Variants in PCDHA3 observed in about 807,000 individuals in gnomAD.
PCDHA3 encodes the protein protocadherin alpha-3.
In PCDHA3, 41 loss-of-function variants were observed where a neutral mutation model predicts 62.2. The observed-to-expected ratio is 0.66, with a 90% confidence interval of 0.51 to 0.86. The LOEUF is 0.86. Among genes scored for constraint, PCDHA3 ranks in the 40% least tolerant of loss-of-function variants. PCDHA3 has a pLI of 0.00. For synonymous variants in PCDHA3, 640 were observed against 555.4 expected (o/e 1.15, Z -2.14); for missense variants, 1,304 against 1,241.2 (o/e 1.05, Z -0.76).
At chr5:140,924,104 C>A (rs538996937) in intron 1 of PCDHA3, among the ~76,000 whole-genome samples, 20 of 152,306 alleles carry the variant, frequency 1.3e-4, no homozygotes, top group Middle Eastern at 6.8e-3. Context: ...AATTTTCATT[C>A]CAAAGCAGTT....
intron 1 of PCDHA3, among the ~76,000 whole-genome samples, chr5:140,950,537 C>T (rs1439965496): frequency 1.3e-5 from 2 of 152,002 alleles, no homozygotes; most frequent in Non-Finnish European, 1.5e-5. Flanking sequence ...TTTTGTTGCT[C>T]TTGCATGGCT....
intron 1 of PCDHA3, chr5:140,882,682 A>G (rs782727780): frequency 9.3e-6 from 15 of 1,614,080 alleles, no homozygotes; most frequent in Admixed American, 3.3e-5. Context: ...AAAGCAAGAA[A>G]CGAATAATCA....
chr5:140,857,186 G>A lies in PCDHA3; in HGVS notation c.2394+53595G>A, dbSNP rs782390373. On this transcript the variant is annotated intron_variant, in intron 1 of 3. Coordinates refer to ENST00000522353, the MANE Select transcript of PCDHA3 (RefSeq NM_018906.3). ...CAGCGTTTCTGACCATGATTCAGGA[G>A]CCAACGGACAGGTCACCTGCTCTCT... 5.0e-6 allele frequency: 8 copies of A among 1,598,548 alleles called. No individual in the cohort carries two copies. In the East Asian group the frequency reaches 1.8e-4, roughly 36 times the overall value.
rs141559668 is a variant in PCDHA3, at chr5:140,830,266, G to A, written c.2394+26675G>A. On this transcript the variant is annotated intron_variant, in intron 1 of 3. Transcript: ENST00000522353. ...TGTACACAGCGCTGCGGTGCTCGGC[G>A]CCACCCACCGAGGGCGCGTGCACGG... 1.1e-4 allele frequency: 170 copies of A among 1,613,648 alleles called. No homozygotes were observed. The Middle Eastern group carries it at 1.5e-3, about 14-fold the overall frequency.
At chr5:140,856,949 ATAAAAG>A in intron 1 of PCDHA3, 1 of 1,592,772 alleles carries the variant, frequency 6.3e-7, no homozygotes, top group Non-Finnish European at 8.6e-7. Context: ...GACGGGAGAA[ATAAAAG>A]TAAATGATGC....
In PCDHA3 at chr5:140,836,337, A is replaced by C. The variant is rs143048298; in HGVS notation, c.2394+32746A>C. 5 of 1,613,530 alleles carry C rather than the reference A, an allele frequency of 3.1e-6. No individual in the cohort carries two copies. The African/African-American group carries it at 6.7e-5, about 22-fold the overall frequency. ...GCGCCACCGCCTTCTGGTGCTTGTG[A>C]AGGACCACGGGGAGCCCTCGCTGAC... On this transcript the variant is annotated intron_variant, in intron 1 of 3. Transcript: ENST00000522353.
Position 141,000,393 on chromosome 5 carries a change from CTCTATA to C in PCDHA3, c.2543-9232_2543-9227del, listed in dbSNP as rs1213195269. 6.1e-3 allele frequency among the ~76,000 whole-genome samples: 322 copies of C among 52,630 alleles called. 2 individuals are homozygous for C. Among genetic ancestry groups the C allele is most frequent in the Admixed American group, 0.01 (36 of 3,506 alleles). 34.5% of individuals were successfully genotyped at this position (52,630 alleles called of 152,430 possible). A position where few individuals can be genotyped will look rare whatever the true frequency, so the allele number is the denominator to read the frequency against. ...TCTCTCTCTCTCTCTCTCTCTCTCT[CTCTATA>C]TATATATATATATATATATATATTT... On this transcript the variant is annotated intron_variant, in intron 3 of 3. Transcript: ENST00000522353.
At chr5:140,809,089 G>T (rs782049907) in intron 1 of PCDHA3, 4 of 1,613,934 alleles carry the variant, frequency 2.5e-6, no homozygotes, top group Non-Finnish European at 2.5e-6. Flanking sequence ...TCAGCACAAC[G>T]CGTGCCCTGG....
At chr5:140,876,141 AG>A in intron 1 of PCDHA3, 1 of 1,613,984 alleles carries the variant, frequency 6.2e-7, no homozygotes, top group Non-Finnish European at 8.5e-7. Context: ...CAGAACTAAC[AG>A]GGTCTGTCCA....
intron 1 of PCDHA3, among the ~76,000 whole-genome samples, chr5:140,919,099 C>T (rs972213897): frequency 4.6e-5 from 7 of 152,126 alleles, no homozygotes; most frequent in Non-Finnish European, 7.4e-5. Context: ...CTATTTCTCC[C>T]TTCATTTCTG....
intron 1 of PCDHA3, chr5:140,966,863 C>T: frequency 6.4e-7 from 1 of 1,562,680 alleles, no homozygotes; most frequent in East Asian, 2.3e-5. Flanking sequence ...GCTGCTGTTG[C>T]TGCTGCTGCT....
intron 3 of PCDHA3, among the ~76,000 whole-genome samples, chr5:141,005,494 G>A (rs1554260099): frequency 2.0e-5 from 3 of 151,700 alleles, no homozygotes; most frequent in Non-Finnish European, 2.9e-5. Flanking sequence ...ATGAGGTCAG[G>A]AGATCGAGAC....
At chr5:140,976,423 T>C (rs1378184646) in intron 1 of PCDHA3, among the ~76,000 whole-genome samples, 22 of 151,886 alleles carry the variant, frequency 1.4e-4, no homozygotes, top group Admixed American at 1.3e-3. Context: ...CGGTGGCAGA[T>C]GCCTGTAATC....
Position 140,855,923 on chromosome 5 carries a change from A to T in PCDHA3, c.2394+52332A>T, listed in dbSNP as rs1424860955. On this transcript the variant is annotated intron_variant, in intron 1 of 3. Coordinates refer to ENST00000522353, the MANE Select transcript of PCDHA3 (RefSeq NM_018906.3). Reference sequence around the variant, plus strand: ...GCCAGTTTCTCAAGGACTAGGAAGTAGCGTCATTCTGAGATCTCAGCCATT... The same window carrying T: ...GCCAGTTTCTCAAGGACTAGGAAGTTGCGTCATTCTGAGATCTCAGCCATT... 7.3e-6 allele frequency: 9 copies of T among 1,229,146 alleles called. No individual in the cohort carries two copies. In the South Asian group the frequency reaches 1.4e-4, roughly 19 times the overall value. 76.1% of individuals were successfully genotyped at this position (1,229,146 alleles called of 1,614,324 possible).
At position 140,803,129 on chromosome 5, in the gene PCDHA3, C is replaced by T. The variant is rs375912217; in HGVS notation, c.1932C>T (p.Arg644=). 10 of 1,613,686 alleles carry T rather than the reference C, an allele frequency of 6.2e-6. No homozygotes were observed. In the African/African-American group the frequency reaches 1.1e-4, roughly 17 times the overall value. Reference sequence around the variant, plus strand: ...CCCTGGACGAGGTGGACGCCCCGCGCCATCGCCTACTGGTGCTGGTGAAGG... The same window carrying T: ...CCCTGGACGAGGTGGACGCCCCGCGTCATCGCCTACTGGTGCTGGTGAAGG... ...TRALDEVDAP[R]HRLLVLVKDH... Residue 644 remains arginine (R), a synonymous_variant, in exon 1 of 4, where the codon CGC becomes CGT. Transcript: ENST00000522353.
intron 1 of PCDHA3, among the ~76,000 whole-genome samples, chr5:140,938,299 A>T (rs995168721): frequency 1.3e-5 from 2 of 152,192 alleles, no homozygotes; most frequent in Admixed American, 6.5e-5. Flanking sequence ...TTGCCTATGA[A>T]ATTCAGTATA....
intron 1 of PCDHA3, among the ~76,000 whole-genome samples, chr5:140,933,313 C>T (rs977318847): frequency 3.9e-5 from 6 of 151,916 alleles, no homozygotes; most frequent in African/African-American, 1.4e-4. Context: ...TATGCAATCT[C>T]GTATTCTCCT....
At chr5:140,874,008 T>C (rs2054633118) in intron 1 of PCDHA3, among the ~76,000 whole-genome samples, 5 of 152,208 alleles carry the variant, frequency 3.3e-5, no homozygotes. Context: ...CATTGACCAC[T>C]TTTGAAAATG....
intron 1 of PCDHA3, chr5:140,837,064 G>A: frequency 5.4e-6 from 1 of 186,332 alleles, no homozygotes; most frequent in Non-Finnish European, 1.1e-5. Context: ...TCCATATTTT[G>A]ATAATCAATA....
Sources: allele counts gnomAD v4.1 joint callset (sites outside exome capture counted in the v4.1 genomes callset), GRCh38; gene constraint gnomAD v4.1.1; transcripts MANE v1.5; gene names NCBI Gene and HGNC (gene_info 2026-07-23, HGNC 2026-07-21).